LTBP1: variants seen among roughly 807,000 people sequenced by gnomAD.
The protein encoded by LTBP1 is latent-transforming growth factor beta-binding protein 1.
In LTBP1, 129 loss-of-function variants were observed where a neutral mutation model predicts 207.6. The ratio of observed to expected loss-of-function variants is 0.62; its 90% CI spans 0.54 to 0.72. LTBP1 has a LOEUF of 0.72. Ranked by LOEUF, LTBP1 falls within the 30% of genes least tolerant of loss-of-function variation. The pLI is 0.00. For synonymous variants in LTBP1, 963 were observed against 833.7 expected (o/e 1.16, Z -2.67); for missense variants, 2,281 against 2,217.2 (o/e 1.03, Z -0.58).
At chr2:33,299,508 A>T (rs912756576) in intron 20 of LTBP1, among the ~76,000 whole-genome samples, 1 of 152,154 alleles carries the variant, frequency 6.6e-6, no homozygotes, top group Non-Finnish European at 1.5e-5. Flanking sequence ...TTTTATATCT[A>T]TTCCCTTCGG....
At position 32,947,780 on chromosome 2, in the gene LTBP1, C is replaced by A; in HGVS notation, c.456C>A (p.Gly152=). The part of the protein sequence containing the change: ...KVPQETQSGG[G]SRLQVHQKQQ... ...CGCAGGAGACCCAGAGCGGCGGAGG[C>A]TCTAGGCTGCAGGTTCACCAGAAGC... The change falls in exon 1 of 34, where the codon GGC becomes GGA. Residue 152 remains glycine (G), a synonymous_variant. Transcript: ENST00000404816. 1.3e-6 allele frequency: 2 copies of A among 1,500,516 alleles called. No individual in the cohort carries two copies. Among genetic ancestry groups the A allele is most frequent in the Non-Finnish European group, 8.9e-7 (1 of 1,121,768 alleles). The allele number at this position is 1,500,516 out of a possible 1,614,324, so 93.0% of individuals were successfully genotyped here.
chr2:33,191,776 G>A (rs777981494), intron 7 of LTBP1, among the ~76,000 whole-genome samples: 5 of 152,276 alleles, frequency 3.3e-5, no homozygotes, highest in South Asian at 2.1e-4. Context: ...CAGTGGAGCC[G>A]TCTTATTAAT....
At chr2:33,313,693 C>G (rs762321867) in intron 23 of LTBP1, among the ~76,000 whole-genome samples, 1 of 152,152 alleles carries the variant, frequency 6.6e-6, no homozygotes, top group Admixed American at 6.5e-5. Context: ...CCCCAATTAA[C>G]TAAAAGAACC....
chr2:33,206,048 C>T (rs186667091), intron 7 of LTBP1, among the ~76,000 whole-genome samples: 4 of 152,196 alleles, frequency 2.6e-5, no homozygotes, highest in South Asian at 2.1e-4. Context: ...ACCCAGTCTA[C>T]GGTATTTTGT....
intron 3 of LTBP1, among the ~76,000 whole-genome samples, chr2:33,108,254 G>A (rs60956634): frequency 6.6e-6 from 1 of 151,838 alleles, no homozygotes; most frequent in Non-Finnish European, 1.5e-5. Flanking sequence ...GCATCAGCCT[G>A]TGGGGTACCT....
At chr2:33,035,431 A>G (rs191658281) in intron 3 of LTBP1, among the ~76,000 whole-genome samples, 1 of 152,244 alleles carries the variant, frequency 6.6e-6, no homozygotes, top group Non-Finnish European at 1.5e-5. Flanking sequence ...TTCATAGGCT[A>G]AACTGTGTAG....
At position 33,301,545 on chromosome 2, in the gene LTBP1, C is replaced by G; in HGVS notation, c.3382C>G (p.His1128Asp). 1 of 1,606,570 alleles carries G rather than the reference C, an allele frequency of 6.2e-7. No homozygotes were observed. Among genetic ancestry groups the G allele is most frequent in the Non-Finnish European group, 8.5e-7 (1 of 1,177,272 alleles). The change falls in exon 22 of 34, where the codon CAT becomes GAT. Residue 1128 changes from histidine (H) to aspartate (D), a missense_variant. By Grantham distance (81) the His-to-Asp change is moderately conservative. Transcript: ENST00000404816. ...CEDIDECQHR[H>D]LCAHGQCRNT... ...AGACATTGATGAATGCCAGCACCGT[C>G]ATCTCTGTGCTCATGGGCAGTGCAG...
chr2:33,204,616 G>T (rs1218575100), intron 7 of LTBP1, among the ~76,000 whole-genome samples: 2 of 151,012 alleles, frequency 1.3e-5, no homozygotes, highest in African/African-American at 4.9e-5. Context: ...GTCTCACTCT[G>T]TTGCCCAAGC....
chr2:33,390,670 CG>C (rs2095307474), intron 32 of LTBP1, among the ~76,000 whole-genome samples: 1 of 151,738 alleles, frequency 6.6e-6, no homozygotes, highest in Non-Finnish European at 1.5e-5. Flanking sequence ...GTATTTTTTC[CG>C]TAGAGATGGG....
chr2:33,220,261 C>G (rs924497085), intron 8 of LTBP1, among the ~76,000 whole-genome samples: 1 of 152,204 alleles, frequency 6.6e-6, no homozygotes. Flanking sequence ...TGGGACTCCT[C>G]TCTAAATCAT....
chr2:33,320,920 T>TA (rs1414712479), intron 24 of LTBP1, among the ~76,000 whole-genome samples: 1 of 152,206 alleles, frequency 6.6e-6, no homozygotes, highest in Non-Finnish European at 1.5e-5. Flanking sequence ...AAACTGCTCT[T>TA]AAAGTCTTTT....
intron 23 of LTBP1, among the ~76,000 whole-genome samples, chr2:33,314,245 T>C (rs1461590047): frequency 6.6e-6 from 1 of 152,144 alleles, no homozygotes; most frequent in African/African-American, 2.4e-5. Context: ...AATACGAATT[T>C]TCATGGTCTA....
At chr2:33,053,529 G>A (rs545646664) in intron 3 of LTBP1, among the ~76,000 whole-genome samples, 9 of 152,078 alleles carry the variant, frequency 5.9e-5, no homozygotes, top group African/African-American at 1.9e-4. Flanking sequence ...CCTCGGCCTC[G>A]GCGCCCAGTC....
At chr2:33,187,546 A>G (rs2087344938) in intron 6 of LTBP1, among the ~76,000 whole-genome samples, 1 of 152,078 alleles carries the variant, frequency 6.6e-6, no homozygotes, top group Non-Finnish European at 1.5e-5. Flanking sequence ...TGTAGAGGAA[A>G]GTAAACTAGG....
intron 3 of LTBP1, among the ~76,000 whole-genome samples, chr2:33,062,807 G>A (rs373451708): frequency 2.4e-4 from 36 of 152,184 alleles, no homozygotes; most frequent in Non-Finnish European, 4.4e-4. Context: ...ACTAAGTGAC[G>A]AATGTGTGGG....
chr2:33,333,839 A>G (rs2094524605), intron 24 of LTBP1, among the ~76,000 whole-genome samples: 1 of 152,172 alleles, frequency 6.6e-6, no homozygotes, highest in South Asian at 2.1e-4. Flanking sequence ...ATCAGAATGG[A>G]TGAGACCACC....
intron 9 of LTBP1, among the ~76,000 whole-genome samples, chr2:33,229,633 C>A (rs977375081): frequency 6.6e-6 from 1 of 152,184 alleles, no homozygotes; most frequent in African/African-American, 2.4e-5. Flanking sequence ...TAATCACTTG[C>A]TATCTATTTT....
chr2:33,042,612 G>A (rs1439764065), intron 3 of LTBP1, among the ~76,000 whole-genome samples: 1 of 152,170 alleles, frequency 6.6e-6, no homozygotes, highest in East Asian at 1.9e-4. Context: ...AACACTGCAA[G>A]GCCCAATTCC....
intron 5 of LTBP1, among the ~76,000 whole-genome samples, chr2:33,149,704 G>T (rs1046507944): frequency 6.6e-6 from 1 of 152,326 alleles, no homozygotes; most frequent in African/African-American, 2.4e-5. Context: ...AACAAGAAAT[G>T]ACAAATGGGA....
Sources: gnomAD v4.1 joint callset for allele counts (sites outside exome capture counted in the v4.1 genomes callset) on GRCh38, gnomAD v4.1.1 for gene constraint, MANE v1.5 for transcripts, NCBI Gene and HGNC (gene_info 2026-07-23, HGNC 2026-07-21) for gene names.